ACSL1: variants seen among roughly 807,000 people sequenced by gnomAD.
The protein encoded by ACSL1 is acyl-CoA synthetase long chain family member 1, also known as long-chain-fatty-acid--CoA ligase 1.
In ACSL1, 41 loss-of-function variants were observed where a neutral mutation model predicts 98.4. The ratio of observed to expected loss-of-function variants is 0.42; its 90% CI spans 0.32 to 0.54. The LOEUF is 0.54. Among genes scored for constraint, ACSL1 ranks in the 20% least tolerant of loss-of-function variants. The pLI, the probability that ACSL1 is intolerant of heterozygous loss-of-function variation, is 0.13. For synonymous variants in ACSL1, 316 were observed against 322.7 expected, an observed-to-expected ratio of 0.98 and a Z score of 0.22; for missense variants, 734 against 883.1, an observed-to-expected ratio of 0.83 and a Z score of 2.14.
In ACSL1 at chr4:184,803,497, C is replaced by G. The variant is rs202122313; in HGVS notation, c.18G>C (p.Leu6=). MQAHE[L]FRYFRMPELV... ...GCTCTGGCATTCGAAAATACCGGAA[C>G]AGCTCATGGGCTTGCATTGTCCTGT... Residue 6 remains leucine, a synonymous_variant, in exon 2 of 21, where the codon CTG becomes CTC. Coordinates refer to ENST00000281455, the MANE Select transcript of ACSL1 (RefSeq NM_001995.5). This position sits in a 1 kb window ranked among gnomAD's most constrained non-coding sequence, Gnocchi z 4.8. The G allele has an allele frequency of 1.3e-6, 2 of 1,598,278 alleles. No homozygotes were observed. Among genetic ancestry groups the G allele is most frequent in the Non-Finnish European group, 1.7e-6 (2 of 1,171,026 alleles).
chr4:184,792,554 T>C (rs978354133), intron 2 of ACSL1, among the ~76,000 whole-genome samples: 3 of 152,168 alleles, frequency 2.0e-5, no homozygotes, highest in African/African-American at 7.2e-5. Context: ...ATCCTCGCAC[T>C]TAGCCTCCTG....
Position 184,773,750 on chromosome 4 carries a change from A to C in ACSL1, c.790-36T>G. On this transcript the variant is annotated intron_variant, in intron 8 of 20. Transcript: ENST00000281455. This position sits in a 1 kb window ranked among gnomAD's most constrained non-coding sequence, Gnocchi z 4.3. ...AAAAAAAAAAAAGCTGGTATAAATC[A>C]GAACAGAAAAGAGAACTATAAGCCA... 6.2e-7 allele frequency: 1 copy of C among 1,604,622 alleles called. No individual in the cohort carries two copies. Among genetic ancestry groups the C allele is most frequent in the Non-Finnish European group, 8.5e-7 (1 of 1,177,422 alleles).
intron 1 of ACSL1, among the ~76,000 whole-genome samples, chr4:184,819,146 T>G (rs1467908484): frequency 7.0e-6 from 1 of 143,140 alleles, no homozygotes; most frequent in Non-Finnish European, 1.5e-5. Flanking sequence ...TGTACTTTTT[T>G]TTTTTTTTTT....
intron 12 of ACSL1, 186 bp downstream of exon 12, chr4:184,768,130 T>A: frequency 1.7e-6 from 1 of 584,490 alleles, no homozygotes; most frequent in East Asian, 3.3e-5. Context: ...TTTTCTCTTA[T>A]AATCCTTATC....
chr4:184,781,229 C>CAAAAA, intron 4 of ACSL1, among the ~76,000 whole-genome samples: 1 of 70,114 alleles, frequency 1.4e-5, no homozygotes, highest in South Asian at 6.1e-4. Flanking sequence ...GACTCCATCT[C>CAAAAA]AAAAAAAAAA....
chr4:184,814,997 C>G (rs1171962391), intron 1 of ACSL1: 2 of 456,070 alleles, frequency 4.4e-6, no homozygotes, highest in South Asian at 3.1e-5. Context: ...AAAATACTTA[C>G]AAGGTTTTCT....
At chr4:184,785,610 GGGGGGGGGGGGA>G (rs1561209612) in intron 3 of ACSL1, among the ~76,000 whole-genome samples, 2 of 21,570 alleles carry the variant, frequency 9.3e-5, no homozygotes, top group African/African-American at 3.7e-4. Flanking sequence ...CGGGGGCGGG[GGGGGGGGGGGGA>G]AGGAAGCAAA....
intron 4 of ACSL1, among the ~76,000 whole-genome samples, chr4:184,783,022 G>T (rs2046814): frequency 0.52 from 78,268 of 151,930 alleles, 21,367 homozygotes; most frequent in East Asian, 0.76. Context: ...TACCTGCCCC[G>T]AGAGCAGGAG....
chr4:184,756,768 A>C lies in ACSL1; in HGVS notation c.*357T>G, dbSNP rs1762167032. ...TTGCAGCAAGTAGCAGACATCTCAG[A>C]GATAGCAAAGTCCTAACCCCTTGAT... On this transcript the variant is annotated 3_prime_UTR_variant, in exon 21 of 21. Coordinates refer to ENST00000281455, the MANE Select transcript of ACSL1 (RefSeq NM_001995.5). The C allele has an allele frequency of 5.8e-6, 1 of 172,118 alleles. No individual in the cohort carries two copies. Among genetic ancestry groups the C allele is most frequent in the African/African-American group, 2.4e-5 (1 of 42,096 alleles). The allele number at this position is 172,118 out of a possible 1,614,324, so 10.7% of individuals were successfully genotyped here.
rs909705317 is a variant in ACSL1 at position 184,803,776 on chromosome 4, C to A, written c.-32-230G>T. ...TCTCCATTACCTTGTATTGAAAAAA[C>A]CCCATTCTCTTCCTTTCATTAACCA... On this transcript the variant is annotated intron_variant, in intron 1 of 20. Coordinates refer to ENST00000281455, the MANE Select transcript of ACSL1 (RefSeq NM_001995.5). This position sits in a 1 kb window ranked among gnomAD's most constrained non-coding sequence, Gnocchi z 4.8. Among the ~76,000 whole-genome samples, 2 of 152,140 alleles carry A rather than the reference C, an allele frequency of 1.3e-5. No individual in the cohort carries two copies. Among genetic ancestry groups the A allele is most frequent in the South Asian group, 2.1e-4 (1 of 4,822 alleles).
At chr4:184,779,479 C>T (rs1205502167) in intron 5 of ACSL1, among the ~76,000 whole-genome samples, 1 of 152,156 alleles carries the variant, frequency 6.6e-6, no homozygotes, top group African/African-American at 2.4e-5. Flanking sequence ...TGGACTAACA[C>T]ACTTTTACAC....
chr4:184,803,525 T>C lies in ACSL1; in HGVS notation c.-11A>G. On this transcript the variant is annotated 5_prime_UTR_variant, in exon 2 of 21. Transcript: ENST00000281455. The surrounding 1 kb of genome is among the most constrained non-coding windows in gnomAD (Gnocchi z 4.8). ...CTCATGGGCTTGCATTGTCCTGTGT[T>C]GATAGTTCTCTAAGCTGAATTCTGT... 1 of 1,508,024 alleles carries C rather than the reference T, an allele frequency of 6.6e-7. No homozygotes were observed. The highest frequency in any genetic ancestry group is 8.9e-7 in the Non-Finnish European group (1 of 1,122,722). 93.4% of individuals were successfully genotyped at this position (1,508,024 alleles called of 1,614,324 possible). A position where few individuals can be genotyped will look rare whatever the true frequency, so the allele number is the denominator to read the frequency against.
intron 1 of ACSL1, chr4:184,812,075 A>T: frequency 1.6e-6 from 1 of 621,298 alleles, no homozygotes; most frequent in Non-Finnish European, 2.0e-6. Flanking sequence ...CCTCTATGAG[A>T]AGCAATCAGT....
intron 5 of ACSL1, among the ~76,000 whole-genome samples, chr4:184,778,770 A>T (rs1212176916): frequency 1.3e-5 from 2 of 152,114 alleles, no homozygotes; most frequent in African/African-American, 4.8e-5. Context: ...CCTATTTCTT[A>T]TTTGTTTTGC....
rs552633442 is a variant in ACSL1 at position 184,800,369 on chromosome 4, C to A, written c.195+2951G>T. 3.3e-4 allele frequency among the ~76,000 whole-genome samples: 51 copies of A among 152,256 alleles called. No homozygotes were observed. The South Asian group carries it at 0.01, about 31-fold the overall frequency. On this transcript the variant is annotated intron_variant, in intron 2 of 20. Coordinates refer to ENST00000281455, the MANE Select transcript of ACSL1 (RefSeq NM_001995.5). ...CATGCTCCTGTACTTTGCTTAACTG[C>A]AACCACGTGTGTCTGGGCTCCGACC... is the stretch of plus-strand genomic sequence containing the variant.
At chr4:184,804,913 A>G (rs1271683675) in intron 1 of ACSL1, among the ~76,000 whole-genome samples, 2 of 152,230 alleles carry the variant, frequency 1.3e-5, no homozygotes, top group Non-Finnish European at 2.9e-5. Flanking sequence ...AGGAGTGTTC[A>G]GACAAAATTA....
rs1408245574 is a variant in ACSL1, at chr4:184,773,781, T to C, written c.789+62A>G. On this transcript the variant is annotated intron_variant, in intron 8 of 20. Coordinates refer to ENST00000281455, the MANE Select transcript of ACSL1 (RefSeq NM_001995.5). This position sits in a 1 kb window ranked among gnomAD's most constrained non-coding sequence, Gnocchi z 4.3. ...GAAAAGAGAACTATAAGCCACAAGG[T>C]ACCAGGCTAGATATTGAAAACTACA... The C allele has an allele frequency of 1.3e-5, 21 of 1,611,142 alleles. No homozygotes were observed. The highest frequency in any genetic ancestry group is 3.3e-5 in the Admixed American group (2 of 59,724).
At chr4:184,786,530 G>C (rs566549837) in intron 3 of ACSL1, among the ~76,000 whole-genome samples, 16 of 151,766 alleles carry the variant, frequency 1.1e-4, no homozygotes, top group Middle Eastern at 3.4e-3. Context: ...CCCTGACCTT[G>C]ACACCAACTT....
intron 10 of ACSL1, 123 bp downstream of exon 10, chr4:184,772,958 C>T (rs1168491244): frequency 2.4e-6 from 2 of 841,524 alleles, no homozygotes; most frequent in Non-Finnish European, 3.7e-6. Context: ...TGACCTTACC[C>T]ATATGTCACA....
Sources: gnomAD v4.1 joint callset for allele counts (sites outside exome capture counted in the v4.1 genomes callset) on GRCh38, gnomAD v4.1.1 for gene constraint, Gnocchi (gnomAD v3.1) non-coding constraint, MANE v1.5 for transcripts, NCBI Gene and HGNC (gene_info 2026-07-23, HGNC 2026-07-21) for gene names.